Variants in BICD1 observed in about 807,000 individuals in gnomAD.
The protein encoded by BICD1 is protein bicaudal D homolog 1.
A neutral mutation model predicts 92.5 loss-of-function variants in BICD1; 35 were observed. That is an observed-to-expected ratio of 0.38 (90% confidence interval 0.29 to 0.50). The LOEUF is 0.50. Among genes scored for constraint, BICD1 ranks in the 20% least tolerant of loss-of-function variants. BICD1 has a pLI of 0.93. For synonymous variants in BICD1, 429 were observed against 465.1 expected, an observed-to-expected ratio of 0.92 and a Z score of 1.00; for missense variants, 950 against 1,189.8, an observed-to-expected ratio of 0.80 and a Z score of 2.97.
chr12:32,300,515 A>G (rs1210119757), intron 3 of BICD1, among the ~76,000 whole-genome samples: 3 of 152,062 alleles, frequency 2.0e-5, no homozygotes, highest in Non-Finnish European at 2.9e-5. Context: ...TAAGCTTATC[A>G]CATAATCTGG....
intron 2 of BICD1, among the ~76,000 whole-genome samples, chr12:32,241,046 A>G (rs983351220): frequency 1.3e-5 from 2 of 152,106 alleles, no homozygotes; most frequent in African/African-American, 4.8e-5. Flanking sequence ...CAGTATTATT[A>G]CCCTCTTATT....
At chr12:32,133,354 G>T (rs891393649) in intron 1 of BICD1, among the ~76,000 whole-genome samples, 1 of 151,926 alleles carries the variant, frequency 6.6e-6, no homozygotes. Context: ...CGGGTATGGT[G>T]GTGCACACCT....
chr12:32,291,611 G>T (rs1260352425), intron 2 of BICD1, among the ~76,000 whole-genome samples: 2 of 152,114 alleles, frequency 1.3e-5, no homozygotes, highest in Non-Finnish European at 2.9e-5. Context: ...GGGGGCTGAG[G>T]CAGAAGGATT....
rs1015957445 is a variant in BICD1 at position 32,138,969 on chromosome 12, T to G, written c.213+31425T>G. Among the ~76,000 whole-genome samples, 6 of 152,312 alleles carry G rather than the reference T, an allele frequency of 3.9e-5. No individual in the cohort carries two copies. In the South Asian group the frequency reaches 8.3e-4, roughly 21 times the overall value. ...ACATAAGATTGAAGAATTTTGTGAT[T>G]TTGATTAATTTATATCCTTCAAAGT... On this transcript the variant is annotated intron_variant, in intron 1 of 9. Coordinates refer to ENST00000652176, the MANE Select transcript of BICD1 (RefSeq NM_001714.4).
At chr12:32,322,699 G>A (rs528780724) in intron 4 of BICD1, among the ~76,000 whole-genome samples, 8 of 152,306 alleles carry the variant, frequency 5.3e-5, no homozygotes, top group South Asian at 2.1e-4. Flanking sequence ...AGATGCTATC[G>A]TGAAGACACT....
intron 4 of BICD1, among the ~76,000 whole-genome samples, chr12:32,315,502 G>A (rs1344328498): frequency 6.7e-6 from 1 of 149,348 alleles, no homozygotes; most frequent in Admixed American, 6.7e-5. Flanking sequence ...TTTCTGCAAA[G>A]AATCCAGCTG....
chr12:32,157,979 A>G (rs1292681580), intron 1 of BICD1, among the ~76,000 whole-genome samples: 1 of 152,168 alleles, frequency 6.6e-6, no homozygotes, highest in Non-Finnish European at 1.5e-5. Context: ...TGAAATTTTT[A>G]AAAAAGCAAC....
intron 1 of BICD1, among the ~76,000 whole-genome samples, chr12:32,131,973 A>G (rs941936919): frequency 1.4e-4 from 21 of 152,166 alleles, no homozygotes; most frequent in Non-Finnish European, 2.9e-4. Flanking sequence ...TGGGGTGGCT[A>G]TTTGAGAAAT....
intron 3 of BICD1, among the ~76,000 whole-genome samples, chr12:32,301,121 A>T (rs1420649711): frequency 6.6e-6 from 1 of 152,130 alleles, no homozygotes; most frequent in Non-Finnish European, 1.5e-5. Context: ...CTTCATCCCA[A>T]GTCACCTGCA....
intron 1 of BICD1, among the ~76,000 whole-genome samples, chr12:32,130,739 T>C (rs1032311395): frequency 7.9e-5 from 12 of 152,170 alleles, no homozygotes; most frequent in Non-Finnish European, 1.6e-4. Context: ...GCATAGATCA[T>C]ATGTGTGTGG....
intron 2 of BICD1, among the ~76,000 whole-genome samples, chr12:32,269,350 G>GT (rs2136142738): frequency 6.6e-6 from 1 of 152,214 alleles, no homozygotes; most frequent in African/African-American, 2.4e-5. Flanking sequence ...TGATGATAGA[G>GT]TTTTGTTTCT....
rs2136232249 is a variant in BICD1, at chr12:32,313,983, A to G, written c.1005+7861A>G. Among the ~76,000 whole-genome samples the G allele has an allele frequency of 6.6e-6, 1 of 152,308 alleles. No homozygotes were observed. Among genetic ancestry groups the G allele is most frequent in the Middle Eastern group, 3.4e-3 (1 of 294 alleles). ...TAGGTGAAAGAGCGTGACCCTATCA[A>G]TAAATAAATAAAATAAAAATAAATG... On this transcript the variant is annotated intron_variant, in intron 4 of 9. Coordinates refer to ENST00000652176, the MANE Select transcript of BICD1 (RefSeq NM_001714.4). This position sits in a 1 kb window ranked among gnomAD's most constrained non-coding sequence, Gnocchi z 4.2.
At chr12:32,118,274 G>A (rs111241983) in intron 1 of BICD1, among the ~76,000 whole-genome samples, 15,533 of 149,888 alleles carry the variant, frequency 0.1, 1,060 homozygotes, top group Middle Eastern at 0.21. Context: ...GTACAGATGG[G>A]GTTTCACCGT....
chr12:32,167,606 C>T (rs1194025862), intron 1 of BICD1, among the ~76,000 whole-genome samples: 1 of 152,154 alleles, frequency 6.6e-6, no homozygotes, highest in African/African-American at 2.4e-5. Context: ...CAGGCGCATG[C>T]CACCATGCCT....
At chr12:32,220,351 A>G (rs1194106429) in intron 2 of BICD1, among the ~76,000 whole-genome samples, 1 of 152,226 alleles carries the variant, frequency 6.6e-6, no homozygotes, top group Non-Finnish European at 1.5e-5. Flanking sequence ...TCATCTGACA[A>G]AGGGCTGATA....
intron 2 of BICD1, among the ~76,000 whole-genome samples, chr12:32,273,337 A>G (rs1947190722): frequency 6.6e-6 from 1 of 152,232 alleles, no homozygotes; most frequent in Admixed American, 6.5e-5. Context: ...CAAGATTCCA[A>G]AGGGTATACT....
intron 1 of BICD1, among the ~76,000 whole-genome samples, chr12:32,152,912 CT>C (rs969287014): frequency 2.0e-5 from 3 of 152,088 alleles, no homozygotes; most frequent in Admixed American, 2.0e-4. Flanking sequence ...CAAAACTGCT[CT>C]TTTTTCCCCC....
intron 4 of BICD1, among the ~76,000 whole-genome samples, chr12:32,325,364 C>G (rs1318968760): frequency 2.0e-5 from 3 of 152,144 alleles, no homozygotes; most frequent in Non-Finnish European, 2.9e-5. Flanking sequence ...GGCCGTTGGT[C>G]ATGATGTTAT....
At chr12:32,332,562 C>T (rs1043111837) in intron 5 of BICD1, 6 of 567,504 alleles carry the variant, frequency 1.1e-5, no homozygotes, top group African/African-American at 1.0e-4. Flanking sequence ...CCCTGCCTTC[C>T]AGAAGACTCA....
Sources: allele counts gnomAD v4.1 joint callset (sites outside exome capture counted in the v4.1 genomes callset), GRCh38; gene constraint gnomAD v4.1.1; non-coding constraint Gnocchi (gnomAD v3.1); transcripts MANE v1.5; gene names NCBI Gene and HGNC (gene_info 2026-07-23, HGNC 2026-07-21).